SLC35D4: variants seen among roughly 807,000 people sequenced by gnomAD.
SLC35D4 encodes the protein solute carrier family 35 member D4, also known as UDP-N-acetylglucosamine transporter SLC35D4.
At chr18:23,284,009 T>C in the SLC35D4 span, among the ~76,000 whole-genome samples, 27 of 152,338 alleles carry the variant, frequency 1.8e-4, no homozygotes, top group Admixed American at 9.2e-4. Flanking sequence ...CCATATAGGG[T>C]AACTTCCTGA....
the SLC35D4 span, among the ~76,000 whole-genome samples, chr18:23,429,590 G>A: frequency 1.3e-5 from 2 of 152,176 alleles, no homozygotes; most frequent in Non-Finnish European, 2.9e-5. Flanking sequence ...TGGTCAGGCT[G>A]ATCTTGAACT....
At chr18:23,281,129 A>C in the SLC35D4 span, among the ~76,000 whole-genome samples, 1 of 152,020 alleles carries the variant, frequency 6.6e-6, no homozygotes, top group Admixed American at 6.5e-5. Context: ...AGTGGAGGGG[A>C]GGAGGGTGGG....
the SLC35D4 span, among the ~76,000 whole-genome samples, chr18:23,322,019 G>A: frequency 4.7e-4 from 72 of 152,254 alleles, no homozygotes; most frequent in Middle Eastern, 3.4e-3. Context: ...CTCTGCCCAC[G>A]GAGGAGGGAA....
chr18:23,351,443 A>C, the SLC35D4 span, among the ~76,000 whole-genome samples: 3 of 152,114 alleles, frequency 2.0e-5, no homozygotes, highest in East Asian at 1.9e-4. Context: ...CAAAAACAAA[A>C]AAATGCATGG....
At chr18:23,312,703 C>G in the SLC35D4 span, among the ~76,000 whole-genome samples, 82 of 152,264 alleles carry the variant, frequency 5.4e-4, no homozygotes, top group African/African-American at 1.9e-3. Context: ...TCCTATTAAT[C>G]AGTGATCTGT....
At chr18:23,287,135 C>CA in the SLC35D4 span, among the ~76,000 whole-genome samples, 1 of 152,142 alleles carries the variant, frequency 6.6e-6, no homozygotes, top group East Asian at 1.9e-4. Flanking sequence ...ACTCTCCTTA[C>CA]AATTCCCCCA....
the SLC35D4 span, among the ~76,000 whole-genome samples, chr18:23,410,252 G>A: frequency 2.6e-5 from 4 of 152,092 alleles, no homozygotes; most frequent in Non-Finnish European, 5.9e-5. Context: ...AGGCCGAGGT[G>A]GGCGGATCAC....
chr18:23,270,754 T>C, the SLC35D4 span, among the ~76,000 whole-genome samples: 1 of 152,256 alleles, frequency 6.6e-6, no homozygotes. Context: ...GCCGGCTCTG[T>C]GTAAATTACT....
the SLC35D4 span, among the ~76,000 whole-genome samples, chr18:23,240,243 G>A: frequency 6.6e-6 from 1 of 152,232 alleles, no homozygotes. Flanking sequence ...GCTGAGAGTG[G>A]TTGGCCCCAC....
At chr18:23,285,958 C>T in the SLC35D4 span, among the ~76,000 whole-genome samples, 1 of 152,164 alleles carries the variant, frequency 6.6e-6, no homozygotes, top group African/African-American at 2.4e-5. Flanking sequence ...AAAAATCCAG[C>T]CCCGTTCATG....
the SLC35D4 span, among the ~76,000 whole-genome samples, chr18:23,285,123 C>G: frequency 6.6e-6 from 1 of 152,198 alleles, no homozygotes; most frequent in Non-Finnish European, 1.5e-5. Context: ...GGAGCCCTGA[C>G]CTCTTATCTC....
At chr18:23,290,424 A>G in the SLC35D4 span, among the ~76,000 whole-genome samples, 1 of 152,142 alleles carries the variant, frequency 6.6e-6, no homozygotes, top group Admixed American at 6.5e-5. Context: ...TCACTCAGTT[A>G]TCCTTCACCT....
the SLC35D4 span, among the ~76,000 whole-genome samples, chr18:23,312,152 T>C: frequency 2.0e-5 from 3 of 152,206 alleles, no homozygotes; most frequent in Non-Finnish European, 2.9e-5. Context: ...CTAACTCAGG[T>C]GACTTTCAGT....
At chr18:23,401,723 G>A in the SLC35D4 span, among the ~76,000 whole-genome samples, 1 of 152,142 alleles carries the variant, frequency 6.6e-6, no homozygotes, top group East Asian at 1.9e-4. Flanking sequence ...GGAATGTAAG[G>A]TCAGCGAGGC....
At chr18:23,312,568 G>A in the SLC35D4 span, among the ~76,000 whole-genome samples, 8 of 152,136 alleles carry the variant, frequency 5.3e-5, no homozygotes, top group African/African-American at 9.7e-5. Flanking sequence ...TGTTTGCACC[G>A]TGGGACAACT....
At chr18:23,391,028 C>A in the SLC35D4 span, among the ~76,000 whole-genome samples, 1 of 152,038 alleles carries the variant, frequency 6.6e-6, no homozygotes, top group African/African-American at 2.4e-5. Flanking sequence ...GAGTTCAAGA[C>A]CAGCTTGGCC....
At chr18:23,291,518 T>C in the SLC35D4 span, among the ~76,000 whole-genome samples, 2 of 152,222 alleles carry the variant, frequency 1.3e-5, no homozygotes, top group South Asian at 4.1e-4. Flanking sequence ...CTGATGGCAC[T>C]CGGCTGGCAG....
the SLC35D4 span, among the ~76,000 whole-genome samples, chr18:23,344,847 G>T: frequency 6.6e-6 from 1 of 152,016 alleles, no homozygotes; most frequent in Admixed American, 6.6e-5. Flanking sequence ...TGATCCGCCC[G>T]CCTTGGCCTC....
chr18:23,319,804 T>C, the SLC35D4 span, among the ~76,000 whole-genome samples: 1 of 152,228 alleles, frequency 6.6e-6, no homozygotes, highest in East Asian at 1.9e-4. Flanking sequence ...AAAATAAAGA[T>C]GTCATTTCAT....
Sources: gnomAD v4.1 joint callset for allele counts (sites outside exome capture counted in the v4.1 genomes callset) on GRCh38, gnomAD v4.1.1 for gene constraint, MANE v1.5 for transcripts, NCBI Gene and HGNC (gene_info 2026-07-23, HGNC 2026-07-21) for gene names.